Variants in LURAP1 observed in about 807,000 individuals in gnomAD.
The protein encoded by LURAP1 is NF-kappa-B activator C1orf190.
A neutral mutation model predicts 19.0 loss-of-function variants in LURAP1; 14 were observed. That is an observed-to-expected ratio of 0.74 (90% confidence interval 0.49 to 1.15). The LOEUF (loss-of-function observed/expected upper bound fraction) is 1.15, where lower values mean the gene tolerates loss of function less well. Ranked by LOEUF, LURAP1 falls within the 50% of genes most tolerant of loss-of-function variation. The pLI is 0.00. For synonymous variants in LURAP1, 129 were observed against 131.8 expected (o/e 0.98, Z 0.14); for missense variants, 273 against 309.1 (o/e 0.88, Z 0.87).
intron 1 of LURAP1, among the ~76,000 whole-genome samples, chr1:46,210,399 G>A (rs1460987382): frequency 6.6e-6 from 1 of 152,040 alleles, no homozygotes; most frequent in African/African-American, 2.4e-5. Context: ...ATACCAGCTG[G>A]GTGTCTACTA....
In LURAP1 at chr1:46,203,614, A is replaced by C; in HGVS notation, c.188A>C (p.Lys63Thr). The change falls in exon 1 of 2, where the codon AAG becomes ACG. Residue 63 changes from lysine (K) to threonine (T), a missense_variant. Transcript: ENST00000371980. ...HDLGDKIMALKMELAYLRAID... is the reference protein window; with the variant it reads ...HDLGDKIMALTMELAYLRAID... ...TTGGGGGACAAGATCATGGCGCTGA[A>C]GATGGAGCTGGTGAGTGCTGAATCC... 1.2e-6 allele frequency: 2 copies of C among 1,601,758 alleles called. No homozygotes were observed. Among genetic ancestry groups the C allele is most frequent in the Non-Finnish European group, 1.7e-6 (2 of 1,175,278 alleles).
chr1:46,208,017 G>A (rs968357612), intron 1 of LURAP1, among the ~76,000 whole-genome samples: 1 of 151,464 alleles, frequency 6.6e-6, no homozygotes, highest in Non-Finnish European at 1.5e-5. Context: ...ACAGGCACCC[G>A]CCTAGTTAAT....
intron 1 of LURAP1, among the ~76,000 whole-genome samples, chr1:46,211,083 T>C (rs1250060979): frequency 2.0e-5 from 3 of 152,098 alleles, no homozygotes; most frequent in Admixed American, 2.0e-4. Flanking sequence ...CCTGGTCCTT[T>C]GGGCCTTTTA....
chr1:46,212,055 C>A (rs1658913776), intron 1 of LURAP1, among the ~76,000 whole-genome samples: 1 of 152,118 alleles, frequency 6.6e-6, no homozygotes, highest in Non-Finnish European at 1.5e-5. Context: ...AGCTACCACA[C>A]CTGGCCTCAA....
chr1:46,204,823 C>CT (rs1340263048), intron 1 of LURAP1, among the ~76,000 whole-genome samples: 4 of 152,210 alleles, frequency 2.6e-5, no homozygotes, highest in Non-Finnish European at 5.9e-5. Flanking sequence ...AGCTCAAGGC[C>CT]TAGTAAGAGC....
chr1:46,204,149 C>T (rs1658638711), intron 1 of LURAP1, among the ~76,000 whole-genome samples: 1 of 152,188 alleles, frequency 6.6e-6, no homozygotes, highest in East Asian at 1.9e-4. Flanking sequence ...TCCTCTACAT[C>T]CCCCAGCCCT....
chr1:46,211,219 C>T (rs994331938), intron 1 of LURAP1, among the ~76,000 whole-genome samples: 6 of 152,128 alleles, frequency 3.9e-5, no homozygotes, highest in South Asian at 2.1e-4. Context: ...CCTCTCTCTG[C>T]GGCATTCCTT....
chr1:46,214,573 A>G (rs1225561657), intron 1 of LURAP1, among the ~76,000 whole-genome samples: 3 of 152,142 alleles, frequency 2.0e-5, no homozygotes, highest in Admixed American at 6.5e-5. Context: ...GAAAAACCAA[A>G]GAGTTGATAA....
At chr1:46,208,684 A>G (rs982226242) in intron 1 of LURAP1, among the ~76,000 whole-genome samples, 5 of 152,074 alleles carry the variant, frequency 3.3e-5, no homozygotes, top group African/African-American at 1.2e-4. Context: ...CTCTACTAAA[A>G]ATACAAAAAT....
chr1:46,210,264 C>CTGTG (rs558204802), intron 1 of LURAP1, among the ~76,000 whole-genome samples: 4 of 152,120 alleles, frequency 2.6e-5, no homozygotes, highest in East Asian at 3.9e-4. Context: ...AAACCCTAAA[C>CTGTG]TGTGTGTGTG....
At chr1:46,216,599 C>T (rs1346589626) in intron 1 of LURAP1, among the ~76,000 whole-genome samples, 1 of 152,144 alleles carries the variant, frequency 6.6e-6, no homozygotes, top group African/African-American at 2.4e-5. Flanking sequence ...CTCTTGGCCT[C>T]TCCAAGTGCT....
chr1:46,210,438 A>G (rs1391552700), intron 1 of LURAP1, among the ~76,000 whole-genome samples: 1 of 152,146 alleles, frequency 6.6e-6, no homozygotes, highest in Non-Finnish European at 1.5e-5. Context: ...CTACCTGGAG[A>G]CAGTGTCACA....
intron 1 of LURAP1, among the ~76,000 whole-genome samples, chr1:46,210,167 A>G (rs1362701836): frequency 6.6e-6 from 1 of 152,178 alleles, no homozygotes; most frequent in Non-Finnish European, 1.5e-5. Flanking sequence ...CATTTGTTCA[A>G]TTGAATTAGA....
At chr1:46,209,978 A>G (rs1381096329) in intron 1 of LURAP1, among the ~76,000 whole-genome samples, 1 of 152,122 alleles carries the variant, frequency 6.6e-6, no homozygotes, top group African/African-American at 2.4e-5. Context: ...CTGTTCATAT[A>G]TTTGTCTCCA....
chr1:46,210,371 C>A (rs1397575878), intron 1 of LURAP1, among the ~76,000 whole-genome samples: 1 of 152,126 alleles, frequency 6.6e-6, no homozygotes, highest in Admixed American at 6.5e-5. Context: ...AGCAAGCAAG[C>A]AATCAGTTCT....
chr1:46,219,644 G>A (rs1480820937), intron 1 of LURAP1, 55 bp from the exon 2 acceptor site: 4 of 1,506,528 alleles, frequency 2.7e-6, no homozygotes, highest in Admixed American at 2.2e-5. Context: ...CTGTGGAAAC[G>A]CTGGGGAAAC....
chr1:46,203,564 A>C lies in LURAP1; in HGVS notation c.138A>C (p.Pro46=), dbSNP rs552194278. 6.4e-7 allele frequency: 1 copy of C among 1,573,516 alleles called. No individual in the cohort carries two copies. Among genetic ancestry groups the C allele is most frequent in the Non-Finnish European group, 8.6e-7 (1 of 1,163,298 alleles). ...ELGTSGALLL[P]GASSTGHDLG... ...GAACCTCTGGCGCCCTGCTGCTCCC[A>C]GGGGCGTCTAGCACCGGCCACGACT... The change falls in exon 1 of 2, where the codon CCA becomes CCC. Residue 46 remains proline, a synonymous_variant. Coordinates refer to ENST00000371980, the MANE Select transcript of LURAP1 (RefSeq NM_001013615.3).
chr1:46,205,212 C>A (rs143448207), intron 1 of LURAP1, among the ~76,000 whole-genome samples: 1 of 151,954 alleles, frequency 6.6e-6, no homozygotes, highest in African/African-American at 2.4e-5. Context: ...GAGCTGAAAT[C>A]GCACCACTGC....
chr1:46,214,411 C>T (rs886554468), intron 1 of LURAP1, among the ~76,000 whole-genome samples: 5 of 150,606 alleles, frequency 3.3e-5, no homozygotes, highest in Admixed American at 2.0e-4. Context: ...CAGAGAGATA[C>T]GAACTTATAA....
Sources: allele counts gnomAD v4.1 joint callset (sites outside exome capture counted in the v4.1 genomes callset), GRCh38; gene constraint gnomAD v4.1.1; transcripts MANE v1.5; gene names NCBI Gene and HGNC (gene_info 2026-07-23, HGNC 2026-07-21).